Variants in ANKRD9 observed in about 807,000 individuals in gnomAD.
ANKRD9 encodes ankyrin repeat domain 9.
ANKRD9 carries 13 observed loss-of-function variants against 19.2 expected under a neutral mutation model. The ratio of observed to expected loss-of-function variants is 0.68; its 90% CI spans 0.44 to 1.08. The LOEUF (loss-of-function observed/expected upper bound fraction) is 1.08, where lower values mean the gene tolerates loss of function less well. Among genes scored for constraint, ANKRD9 ranks in the 50% least tolerant of loss-of-function variants. ANKRD9 has a pLI of 0.00. For synonymous variants in ANKRD9, 278 were observed against 256.8 expected, an observed-to-expected ratio of 1.08 and a Z score of -0.79; for missense variants, 518 against 499.9, an observed-to-expected ratio of 1.04 and a Z score of -0.34.
In ANKRD9 at chr14:102,507,125, C is replaced by T. The variant is rs1200520906; in HGVS notation, c.765G>A (p.Arg255=). Reference sequence around the variant, plus strand: ...CACCCAGCAGCCGCTGCCAGCGCGGCCGGTCGCCCAGCAGCTCCTGGCGGG... The same window carrying T: ...CACCCAGCAGCCGCTGCCAGCGCGGTCGGTCGCCCAGCAGCTCCTGGCGGG... ...GSARQELLGD[R]PRWQRLLGED... The change falls in exon 4 of 4, where the codon CGG becomes CGA. Residue 255 remains arginine (R), a synonymous_variant. Transcript: ENST00000286918. The surrounding 1 kb of genome is among the most constrained non-coding windows in gnomAD (Gnocchi z 9.2). 9 of 1,490,566 alleles carry T rather than the reference C, an allele frequency of 6.0e-6. No homozygotes were observed. The highest frequency in any genetic ancestry group is 2.2e-5 in the Admixed American group (1 of 44,672). The allele number at this position is 1,490,566 out of a possible 1,614,324, so 92.3% of individuals were successfully genotyped here.
At position 102,507,923 on chromosome 14, in the gene ANKRD9, T is replaced by C; in HGVS notation, c.-34A>G. ...CGGGGCGTTCCTGGGCCTCAAGGCA[T>C]GGATCCCGCGAAGGCACACCTGCGG... On this transcript the variant is annotated 5_prime_UTR_variant, in exon 4 of 4. An upstream start codon of the reference 5' UTR is lost. Transcript: ENST00000286918. This position sits in a 1 kb window ranked among gnomAD's most constrained non-coding sequence, Gnocchi z 9.2. 9.1e-7 allele frequency: 1 copy of C among 1,100,508 alleles called. No homozygotes were observed. Among genetic ancestry groups the C allele is most frequent in the Non-Finnish European group, 1.1e-6 (1 of 894,040 alleles). The allele number at this position is 1,100,508 out of a possible 1,614,324, so 68.2% of individuals were successfully genotyped here.
Position 102,507,568 on chromosome 14 carries a change from G to A in ANKRD9, c.322C>T (p.Arg108Cys). The change falls in exon 4 of 4, where the codon CGC becomes TGC. Residue 108 changes from arginine to cysteine, a missense_variant. Coordinates refer to ENST00000286918, the MANE Select transcript of ANKRD9 (RefSeq NM_152326.4). The surrounding 1 kb of genome is among the most constrained non-coding windows in gnomAD (Gnocchi z 9.2). ...TGCGGCCCGGGAGCCGCGCAGCAGC[G>A]GAAGCCGGCACTGGGCGGTGCGAGC... The part of the protein sequence containing the change: ...RALAPPSAGF[R>C]CCAAPGPHVA... 4 of 1,364,314 alleles carry A rather than the reference G, an allele frequency of 2.9e-6. No homozygotes were observed. The highest frequency in any genetic ancestry group is 3.1e-5 in the African/African-American group (2 of 65,240). The allele number at this position is 1,364,314 out of a possible 1,614,324, so 84.5% of individuals were successfully genotyped here.
In ANKRD9 at chr14:102,505,179, C is replaced by G. The variant is rs1473620833; in HGVS notation, c.*1757G>C. On this transcript the variant is annotated 3_prime_UTR_variant, in exon 4 of 4. Coordinates refer to ENST00000286918, the MANE Select transcript of ANKRD9 (RefSeq NM_152326.4). ...GGAGCCCAGGCTTTCTAGGCACAAG[C>G]CCCATGGGCTCCCCGGGCCCAGCCC... 2 of 152,696 alleles carry G rather than the reference C, an allele frequency of 1.3e-5. No homozygotes were observed. The highest frequency in any genetic ancestry group is 2.9e-5 in the Non-Finnish European group (2 of 68,462). 9.5% of individuals were successfully genotyped at this position (152,696 alleles called of 1,614,324 possible). A position where few individuals can be genotyped will look rare whatever the true frequency, so the allele number is the denominator to read the frequency against.
chr14:102,507,428 G>A lies in ANKRD9; in HGVS notation c.462C>T (p.Ser154=), dbSNP rs1466094016. 1.4e-6 allele frequency: 2 copies of A among 1,381,750 alleles called. No homozygotes were observed. The highest frequency in any genetic ancestry group is 1.4e-5 in the South Asian group (1 of 73,474). The allele number at this position is 1,381,750 out of a possible 1,614,324, so 85.6% of individuals were successfully genotyped here. A position where few individuals can be genotyped will look rare whatever the true frequency, so the allele number is the denominator to read the frequency against. Residue 154 remains serine (S), a synonymous_variant, in exon 4 of 4, where the codon AGC becomes AGT. Transcript: ENST00000286918. The surrounding 1 kb of genome is among the most constrained non-coding windows in gnomAD (Gnocchi z 9.2). ...GCGACGTGCCACCGCCCTCCACGCG[G>A]CTGCAGCCACGCCGGTCCAGCACGC... ...RARVLDRRGC[S]RVEGGGTSLH... is the part of the protein sequence containing the mutation.
rs1300743710 is a variant in ANKRD9, at chr14:102,507,334, C to T, written c.556G>A (p.Gly186Ser). 3 of 1,303,124 alleles carry T rather than the reference C, an allele frequency of 2.3e-6. No individual in the cohort carries two copies. Among genetic ancestry groups the T allele is most frequent in the Non-Finnish European group, 2.9e-6 (3 of 1,021,660 alleles). The allele number at this position is 1,303,124 out of a possible 1,614,324, so 80.7% of individuals were successfully genotyped here. The change falls in exon 4 of 4, where the codon GGT (glycine) becomes AGT (serine). Residue 186 changes from glycine to serine, a missense_variant. Physicochemically the swap from Gly to Ser is moderately conservative, Grantham distance 56 (BLOSUM62 0). Coordinates refer to ENST00000286918, the MANE Select transcript of ANKRD9 (RefSeq NM_152326.4). This position sits in a 1 kb window ranked among gnomAD's most constrained non-coding sequence, Gnocchi z 9.2. ...GTGAGGCCGCCGCCGTCCCGCAGACCGGGCGAGGCGCCGTGGCCCAGCAGC... is the reference window on the plus strand; with the variant it reads ...GTGAGGCCGCCGCCGTCCCGCAGACTGGGCGAGGCGCCGTGGCCCAGCAGC... ...FLLLGHGASP[G>S]LRDGGGLTPL...
chr14:102,507,585 G>A lies in ANKRD9; in HGVS notation c.305C>T (p.Pro102Leu), dbSNP rs1204114753. 5 of 1,415,434 alleles carry A rather than the reference G, an allele frequency of 3.5e-6. No homozygotes were observed. The highest frequency in any genetic ancestry group is 3.7e-6 in the Non-Finnish European group (4 of 1,083,848). 87.7% of individuals were successfully genotyped at this position (1,415,434 alleles called of 1,614,324 possible). Residue 102 changes from proline (P) to leucine (L), a missense_variant, in exon 4 of 4, where the codon CCG (proline) becomes CTG (leucine). Physicochemically the swap from Pro to Leu is moderately conservative, Grantham distance 98. Coordinates refer to ENST00000286918, the MANE Select transcript of ANKRD9 (RefSeq NM_152326.4). The surrounding 1 kb of genome is among the most constrained non-coding windows in gnomAD (Gnocchi z 9.2). The stretch of plus-strand genomic sequence containing the variant: ...GCAGCAGCGGAAGCCGGCACTGGGC[G>A]GTGCGAGCGCGCGCCGCGGGAACGT... ...LATFPRRALAPPSAGFRCCAA... is the reference protein window; with the variant it reads ...LATFPRRALALPSAGFRCCAA...
Position 102,506,983 on chromosome 14 carries a change from G to T in ANKRD9, c.907C>A (p.Pro303Thr). The T allele has an allele frequency of 6.4e-7, 1 of 1,570,236 alleles. No homozygotes were observed. Among genetic ancestry groups the T allele is most frequent in the Non-Finnish European group, 8.6e-7 (1 of 1,158,442 alleles). The stretch of plus-strand genomic sequence containing the variant: ...AACGGCTGCAGGAATGGGGGCAGCG[G>T]CAGCTCGTCCAGGGCCTCGGGGAAG... ...GRFPEALDEL[P>T]LPPFLQPLDL... is the part of the protein sequence containing the mutation. Residue 303 changes from proline to threonine, a missense_variant, in exon 4 of 4, where the codon CCG becomes ACG. Coordinates refer to ENST00000286918, the MANE Select transcript of ANKRD9 (RefSeq NM_152326.4).
At position 102,509,751 on chromosome 14, in the gene ANKRD9, G is replaced by C. The variant is rs1008496214; in HGVS notation, c.-557C>G. On this transcript the variant is annotated 5_prime_UTR_variant, in exon 1 of 4. Transcript: ENST00000286918. Reference sequence around the variant, plus strand: ...GGGCGGCGGGCGGCGGGCGGCGGGCGGCGCAGTGCGGCCCCGGCCAGGCAG... The same window carrying C: ...GGGCGGCGGGCGGCGGGCGGCGGGCCGCGCAGTGCGGCCCCGGCCAGGCAG... 4 of 145,818 alleles carry C rather than the reference G, an allele frequency of 2.7e-5. No homozygotes were observed. Among genetic ancestry groups the C allele is most frequent in the Non-Finnish European group, 6.1e-5 (4 of 65,654 alleles). 9.0% of individuals were successfully genotyped at this position (145,818 alleles called of 1,614,324 possible).
At position 102,507,318 on chromosome 14, in the gene ANKRD9, C is replaced by T; in HGVS notation, c.572G>A (p.Gly191Asp). 1.6e-6 allele frequency: 2 copies of T among 1,282,512 alleles called. No individual in the cohort carries two copies. Among genetic ancestry groups the T allele is most frequent in the Non-Finnish European group, 9.9e-7 (1 of 1,010,654 alleles). The allele number at this position is 1,282,512 out of a possible 1,614,324, so 79.4% of individuals were successfully genotyped here. Residue 191 changes from glycine to aspartate, a missense_variant, in exon 4 of 4, where the codon GGC becomes GAC. Physicochemically the swap from Gly to Asp is moderately conservative, Grantham distance 94. Coordinates refer to ENST00000286918, the MANE Select transcript of ANKRD9 (RefSeq NM_152326.4). The surrounding 1 kb of genome is among the most constrained non-coding windows in gnomAD (Gnocchi z 9.2). ...CAGCAGCTCGAGAGGCGTGAGGCCG[C>T]CGCCGTCCCGCAGACCGGGCGAGGC... ...HGASPGLRDG[G>D]GLTPLELLLR...
rs1891489697 is a variant in ANKRD9, at chr14:102,503,153, C to G, written c.*3783G>C. 6.6e-6 allele frequency: 1 copy of G among 151,542 alleles called. No individual in the cohort carries two copies. The highest frequency in any genetic ancestry group is 6.6e-5 in the Admixed American group (1 of 15,182). 9.4% of individuals were successfully genotyped at this position (151,542 alleles called of 1,614,324 possible). ...GCTTGAACCCAGGAGGCGGAAGTTA[C>G]AGTGAGCTGAGACCACACCATTGCA... On this transcript the variant is annotated 3_prime_UTR_variant, in exon 4 of 4. Transcript: ENST00000286918.
chr14:102,507,985 G>A lies in ANKRD9; in HGVS notation c.-53-43C>T. 1.9e-6 allele frequency: 2 copies of A among 1,055,590 alleles called. No homozygotes were observed. Among genetic ancestry groups the A allele is most frequent in the Non-Finnish European group, 2.3e-6 (2 of 866,108 alleles). 65.4% of individuals were successfully genotyped at this position (1,055,590 alleles called of 1,614,324 possible). A position where few individuals can be genotyped will look rare whatever the true frequency, so the allele number is the denominator to read the frequency against. ...GGCCACGGTGAGGCGCGGGGAAACT[G>A]GGGAGGCCCGGGGACTCCCCTCTGC... On this transcript the variant is annotated intron_variant, in intron 3 of 3. Coordinates refer to ENST00000286918, the MANE Select transcript of ANKRD9 (RefSeq NM_152326.4). The surrounding 1 kb of genome is among the most constrained non-coding windows in gnomAD (Gnocchi z 9.2).
At position 102,505,842 on chromosome 14, in the gene ANKRD9, C is replaced by CT. The variant is rs1477827683; in HGVS notation, c.*1093dup. 1 of 152,364 alleles carries CT rather than the reference C, an allele frequency of 6.6e-6. No individual in the cohort carries two copies. Among genetic ancestry groups the CT allele is most frequent in the Admixed American group, 6.5e-5 (1 of 15,282 alleles). The allele number at this position is 152,364 out of a possible 1,614,324, so 9.4% of individuals were successfully genotyped here. A position where few individuals can be genotyped will look rare whatever the true frequency, so the allele number is the denominator to read the frequency against. ...CCCACCAGGATAGTGGTTCTTCCTC[C>CT]TGCAGACCTTCAGCCCTCTGCTCCT... On this transcript the variant is annotated 3_prime_UTR_variant, in exon 4 of 4. Transcript: ENST00000286918.
In ANKRD9 at chr14:102,507,050, C is replaced by A. The variant is rs772799165; in HGVS notation, c.840G>T (p.Ala280=). ...CGGTGACCAGCACCTGCATGGCGCGCGCGAAGAGCGAGGGCGGCGCCAGGC... is the reference window on the plus strand; with the variant it reads ...CGGTGACCAGCACCTGCATGGCGCGAGCGAAGAGCGAGGGCGGCGCCAGGC... ...LAGLAPPSLF[A]RAMQVLVTAI... is the part of the protein sequence containing the mutation. The change falls in exon 4 of 4, where the codon GCG becomes GCT. Residue 280 remains alanine (A), a synonymous_variant. Coordinates refer to ENST00000286918, the MANE Select transcript of ANKRD9 (RefSeq NM_152326.4). The surrounding 1 kb of genome is among the most constrained non-coding windows in gnomAD (Gnocchi z 9.2). The A allele has an allele frequency of 6.4e-7, 1 of 1,570,398 alleles. No homozygotes were observed. Among genetic ancestry groups the A allele is most frequent in the Non-Finnish European group, 8.6e-7 (1 of 1,167,054 alleles).
rs909376500 is a variant in ANKRD9, at chr14:102,507,316, C to T, written c.574G>A (p.Gly192Ser). 19 of 1,275,160 alleles carry T rather than the reference C, an allele frequency of 1.5e-5. No homozygotes were observed. The highest frequency in any genetic ancestry group is 1.8e-5 in the Non-Finnish European group (18 of 1,006,688). 79.0% of individuals were successfully genotyped at this position (1,275,160 alleles called of 1,614,324 possible). The change falls in exon 4 of 4, where the codon GGC becomes AGC. Residue 192 changes from glycine to serine, a missense_variant. Physicochemically the swap from Gly to Ser is moderately conservative, Grantham distance 56 (BLOSUM62 0). Transcript: ENST00000286918. The surrounding 1 kb of genome is among the most constrained non-coding windows in gnomAD (Gnocchi z 9.2). ...GASPGLRDGG[G>S]LTPLELLLRQ... ...AGCAGCAGCTCGAGAGGCGTGAGGC[C>T]GCCGCCGTCCCGCAGACCGGGCGAG...
At position 102,507,537 on chromosome 14, in the gene ANKRD9, G is replaced by C. The variant is rs1388697241; in HGVS notation, c.353C>G (p.Ala118Gly). 6 of 1,337,386 alleles carry C rather than the reference G, an allele frequency of 4.5e-6. No homozygotes were observed. Among genetic ancestry groups the C allele is most frequent in the Non-Finnish European group, 5.7e-6 (6 of 1,044,320 alleles). 82.8% of individuals were successfully genotyped at this position (1,337,386 alleles called of 1,614,324 possible). The change falls in exon 4 of 4, where the codon GCG becomes GGG. Residue 118 changes from alanine (A) to glycine (G), a missense_variant. Physicochemically the swap from Ala to Gly is moderately conservative, Grantham distance 60. Coordinates refer to ENST00000286918, the MANE Select transcript of ANKRD9 (RefSeq NM_152326.4). The surrounding 1 kb of genome is among the most constrained non-coding windows in gnomAD (Gnocchi z 9.2). ...CACGCGGTTGTAGCGCACTGCCAGC[G>C]CCACGTGCGGCCCGGGAGCCGCGCA... ...RCCAAPGPHVALAVRYNRVGI... is the reference protein window; with the variant it reads ...RCCAAPGPHVGLAVRYNRVGI...
rs966984281 is a variant in ANKRD9, at chr14:102,506,553, G to C, written c.*383C>G. 2 of 185,816 alleles carry C rather than the reference G, an allele frequency of 1.1e-5. No homozygotes were observed. The highest frequency in any genetic ancestry group is 4.7e-5 in the African/African-American group (2 of 42,824). 11.5% of individuals were successfully genotyped at this position (185,816 alleles called of 1,614,324 possible). A position where few individuals can be genotyped will look rare whatever the true frequency, so the allele number is the denominator to read the frequency against. On this transcript the variant is annotated 3_prime_UTR_variant, in exon 4 of 4. Coordinates refer to ENST00000286918, the MANE Select transcript of ANKRD9 (RefSeq NM_152326.4). ...CCTCCCGTGAGAACCCTACGCTGCAGAGCTCGTTCTCTTGGCTTCCAGGCC... is the reference window on the plus strand; with the variant it reads ...CCTCCCGTGAGAACCCTACGCTGCACAGCTCGTTCTCTTGGCTTCCAGGCC...
Position 102,502,862 on chromosome 14 carries a change from AC to A in ANKRD9, c.*4073del, listed in dbSNP as rs1567369431. 1 of 151,958 alleles carries A rather than the reference AC, an allele frequency of 6.6e-6. No homozygotes were observed. Among genetic ancestry groups the A allele is most frequent in the Non-Finnish European group, 1.5e-5 (1 of 68,030 alleles). The allele number at this position is 151,958 out of a possible 1,614,324, so 9.4% of individuals were successfully genotyped here. ...CAGTGTTTCCCTGCATCGTGGCCGG[AC>A]CTCTCTACTCAATCCCCAGTGTTCT... On this transcript the variant is annotated 3_prime_UTR_variant, in exon 4 of 4. Coordinates refer to ENST00000286918, the MANE Select transcript of ANKRD9 (RefSeq NM_152326.4).
Position 102,507,500 on chromosome 14 carries a change from G to A in ANKRD9, c.390C>T (p.Arg130=), listed in dbSNP as rs1433342647. ...AVRYNRVGIL[R]RILRTLRDFP... ...AGTCGCGCAAGGTGCGCAGGATGCG[G>A]CGCAGAATGCCCACGCGGTTGTAGC... Residue 130 remains arginine, a synonymous_variant, in exon 4 of 4, where the codon CGC becomes CGT. Coordinates refer to ENST00000286918, the MANE Select transcript of ANKRD9 (RefSeq NM_152326.4). This position sits in a 1 kb window ranked among gnomAD's most constrained non-coding sequence, Gnocchi z 9.2. The A allele has an allele frequency of 1.5e-6, 2 of 1,376,150 alleles. No homozygotes were observed. The highest frequency in any genetic ancestry group is 3.4e-5 in the East Asian group (1 of 29,018). The allele number at this position is 1,376,150 out of a possible 1,614,324, so 85.2% of individuals were successfully genotyped here.
rs1197504180 is a variant in ANKRD9, at chr14:102,506,721, C to T, written c.*215G>A. On this transcript the variant is annotated 3_prime_UTR_variant, in exon 4 of 4. Coordinates refer to ENST00000286918, the MANE Select transcript of ANKRD9 (RefSeq NM_152326.4). ...AAGGTGGGAGGTTAGTCCTCACTCC[C>T]TTCAGGGGCTGGACAGCGAGCTGAA... The T allele has an allele frequency of 5.3e-6, 3 of 569,176 alleles. No homozygotes were observed. Among genetic ancestry groups the T allele is most frequent in the African/African-American group, 1.9e-5 (1 of 51,378 alleles). The allele number at this position is 569,176 out of a possible 1,614,324, so 35.3% of individuals were successfully genotyped here.
Sources: allele counts gnomAD v4.1 joint callset, GRCh38; gene constraint gnomAD v4.1.1; non-coding constraint Gnocchi (gnomAD v3.1); transcripts MANE v1.5; gene names NCBI Gene and HGNC (gene_info 2026-07-23, HGNC 2026-07-21).